SEMA3E: variants seen among roughly 807,000 people sequenced by gnomAD.
SEMA3E encodes semaphorin-3E.
Under a neutral mutation model 93.6 loss-of-function variants are expected in SEMA3E, and 49 were observed. The ratio of observed to expected loss-of-function variants is 0.52; its 90% CI spans 0.42 to 0.66. The LOEUF (loss-of-function observed/expected upper bound fraction) is 0.66. Among genes scored for constraint, SEMA3E ranks in the 30% least tolerant of loss-of-function variants. The pLI, the probability that SEMA3E is intolerant of heterozygous loss-of-function variation, is 0.00. For missense variants in SEMA3E, 906 were observed against 964.8 expected, an observed-to-expected ratio of 0.94 and a Z score of 0.81; for synonymous variants, 363 against 330.7, an observed-to-expected ratio of 1.10 and a Z score of -1.06.
intron 1 of SEMA3E, among the ~76,000 whole-genome samples, chr7:83,548,655 A>G (rs563493922): frequency 1.3e-5 from 2 of 152,060 alleles, no homozygotes; most frequent in Non-Finnish European, 2.9e-5. Context: ...TCCCTTAAGA[A>G]GTTGTCAATT....
At chr7:83,608,007 G>A (rs1385641590) in intron 1 of SEMA3E, among the ~76,000 whole-genome samples, 3 of 152,072 alleles carry the variant, frequency 2.0e-5, no homozygotes, top group Non-Finnish European at 4.4e-5. Context: ...ACCAGGTCAG[G>A]AGTTTGAGAC....
chr7:83,627,473 A>T (rs919817913), intron 1 of SEMA3E, among the ~76,000 whole-genome samples: 1 of 151,796 alleles, frequency 6.6e-6, no homozygotes, highest in Non-Finnish European at 1.5e-5. Context: ...TAGTTAGCGA[A>T]TCTGGGTGTT....
rs1309333989 is a variant in SEMA3E, at chr7:83,460,613, T to TGGGGAGGGGCAAGGACCC, written c.456+5868_456+5869insGGGTCCTTGCCCCTCCCC. ...TACCCCAACCCCTTCTCTCCTTGTC[T>TGGGGAGGGGCAAGGACCC]CTACCCCTTCTCTGCTTTTCTGGGG... On this transcript the variant is annotated intron_variant, in intron 4 of 16. Transcript: ENST00000643230. Among the ~76,000 whole-genome samples, 529 of 149,346 alleles carry TGGGGAGGGGCAAGGACCC rather than the reference T, an allele frequency of 3.5e-3. 2 individuals are homozygous for TGGGGAGGGGCAAGGACCC. The highest frequency in any genetic ancestry group is 0.013 in the African/African-American group (512 of 40,758).
chr7:83,487,756 C>T (rs1274487236), intron 2 of SEMA3E, among the ~76,000 whole-genome samples: 1 of 147,808 alleles, frequency 6.8e-6, no homozygotes, highest in Admixed American at 6.8e-5. Context: ...TGAAAGAGAG[C>T]AATTAGTATA....
At chr7:83,380,478 C>T (rs1474310036) in intron 16 of SEMA3E, among the ~76,000 whole-genome samples, 1 of 151,866 alleles carries the variant, frequency 6.6e-6, no homozygotes, top group Non-Finnish European at 1.5e-5. Context: ...TCATTTCTAG[C>T]CATGATTTAC....
rs540989069 is a variant in SEMA3E, at chr7:83,475,575, G to C, written c.277-6273C>G. 9.2e-5 allele frequency among the ~76,000 whole-genome samples: 14 copies of C among 152,240 alleles called. No homozygotes were observed. The South Asian group carries it at 2.9e-3, about 32-fold the overall frequency. ...ATCCACTGAGTGCGGTGTCTACCTA[G>C]GCTGCCACGCATCACCCCCTGCAGG... On this transcript the variant is annotated intron_variant, in intron 2 of 16. Transcript: ENST00000643230.
chr7:83,490,850 T>G (rs1250982618), intron 1 of SEMA3E, among the ~76,000 whole-genome samples: 6 of 152,132 alleles, frequency 3.9e-5, no homozygotes, highest in African/African-American at 1.4e-4. Context: ...TTCGTGCCTA[T>G]GCCAGAAATG....
chr7:83,623,263 G>A (rs1477354412), intron 1 of SEMA3E, among the ~76,000 whole-genome samples: 3 of 151,906 alleles, frequency 2.0e-5, no homozygotes, highest in Admixed American at 1.3e-4. Context: ...AACCAAAATT[G>A]CCTGCAATAA....
At chr7:83,487,520 C>G (rs1790286434) in intron 2 of SEMA3E, among the ~76,000 whole-genome samples, 1 of 151,662 alleles carries the variant, frequency 6.6e-6, no homozygotes. Flanking sequence ...TACTCCTTCA[C>G]AGAAAATCAG....
chr7:83,496,548 T>G (rs2115581573), intron 1 of SEMA3E, among the ~76,000 whole-genome samples: 2 of 152,188 alleles, frequency 1.3e-5, no homozygotes, highest in East Asian at 3.9e-4. Context: ...ACATTTTTAG[T>G]TTTACATATC....
At chr7:83,429,827 C>T (rs952393785) in intron 4 of SEMA3E, among the ~76,000 whole-genome samples, 4 of 151,890 alleles carry the variant, frequency 2.6e-5, no homozygotes, top group Admixed American at 6.6e-5. Flanking sequence ...TTTGCTTATT[C>T]GTTTGTTTTC....
intron 1 of SEMA3E, among the ~76,000 whole-genome samples, chr7:83,572,938 C>CA (rs1238670551): frequency 6.6e-6 from 1 of 151,768 alleles, no homozygotes; most frequent in African/African-American, 2.4e-5. Flanking sequence ...ACAAAAAAAA[C>CA]AAAACACGGA....
At chr7:83,577,520 A>T (rs548049374) in intron 1 of SEMA3E, among the ~76,000 whole-genome samples, 1 of 152,262 alleles carries the variant, frequency 6.6e-6, no homozygotes, top group African/African-American at 2.4e-5. Context: ...GCATTTATTT[A>T]TTTTACAGGT....
At chr7:83,624,013 T>C (rs1001019008) in intron 1 of SEMA3E, among the ~76,000 whole-genome samples, 2 of 152,160 alleles carry the variant, frequency 1.3e-5, no homozygotes, top group Admixed American at 6.5e-5. Context: ...CTGAGAATGA[T>C]AGTTTCTAGC....
At chr7:83,538,493 G>A (rs1791452550) in intron 1 of SEMA3E, among the ~76,000 whole-genome samples, 1 of 152,140 alleles carries the variant, frequency 6.6e-6, no homozygotes, top group African/African-American at 2.4e-5. Context: ...CCCTGGAGGA[G>A]TGTCTACTGA....
intron 4 of SEMA3E, among the ~76,000 whole-genome samples, chr7:83,430,174 G>A (rs117260668): frequency 0.021 from 3,136 of 152,116 alleles, 53 homozygotes; most frequent in Non-Finnish European, 0.031. Context: ...ACATAGAAAA[G>A]CCAAAATGGG....
At chr7:83,580,185 T>C (rs991378001) in intron 1 of SEMA3E, among the ~76,000 whole-genome samples, 1 of 152,096 alleles carries the variant, frequency 6.6e-6, no homozygotes, top group African/African-American at 2.4e-5. Context: ...TTGATAGGAA[T>C]ACTTACAAAT....
intron 1 of SEMA3E, among the ~76,000 whole-genome samples, chr7:83,555,808 T>C (rs1247356305): frequency 1.3e-5 from 2 of 152,208 alleles, no homozygotes; most frequent in African/African-American, 4.8e-5. Flanking sequence ...TTCAAATTCA[T>C]GCTCGGTAGC....
intron 1 of SEMA3E, among the ~76,000 whole-genome samples, chr7:83,583,733 G>A (rs926125217): frequency 2.6e-5 from 4 of 152,152 alleles, no homozygotes; most frequent in Non-Finnish European, 5.9e-5. Flanking sequence ...ATATGTTAAA[G>A]AAATTTGGCT....
Sources: allele counts gnomAD v4.1 joint callset (sites outside exome capture counted in the v4.1 genomes callset), GRCh38; gene constraint gnomAD v4.1.1; transcripts MANE v1.5; gene names NCBI Gene and HGNC (gene_info 2026-07-23, HGNC 2026-07-21).